NLGN4X: variants seen among roughly 807,000 people sequenced by gnomAD.
The protein encoded by NLGN4X is neuroligin 4 X-linked.
A neutral mutation model predicts 40.3 loss-of-function variants in NLGN4X; 3 were observed. That is an observed-to-expected ratio of 0.07 (90% confidence interval 0.03 to 0.19). The LOEUF (loss-of-function observed/expected upper bound fraction) is 0.19. Among genes scored for constraint, NLGN4X ranks in the 10% least tolerant of loss-of-function variants. The pLI, the probability that NLGN4X is intolerant of heterozygous loss-of-function variation, is 1.00. For missense variants in NLGN4X, 382 were observed against 708.3 expected, an observed-to-expected ratio of 0.54 and a Z score of 5.23; for synonymous variants, 270 against 306.8, an observed-to-expected ratio of 0.88 and a Z score of 1.25.
intron 2 of NLGN4X, among the ~76,000 whole-genome samples, chrX:6,127,987 G>GA (rs764542472): frequency 5.2e-4 from 36 of 69,576 alleles, no homozygotes; most frequent in Non-Finnish European, 9.0e-4. Context: ...TAATTTTTTA[G>GA]AATGGGAGTT....
intron 2 of NLGN4X, among the ~76,000 whole-genome samples, chrX:6,072,513 T>A (rs367792750): frequency 5.1e-4 from 57 of 111,962 alleles, no homozygotes; most frequent in Non-Finnish European, 8.6e-4. Flanking sequence ...GAAAAAAGCA[T>A]GTTTGCACAA....
In NLGN4X at chrX:5,903,625, G is replaced by A. The variant is rs200351328; in HGVS notation, c.1053C>T (p.Asp351=). 18 of 1,209,509 alleles carry A rather than the reference G, an allele frequency of 1.5e-5. No homozygotes were observed. Among genetic ancestry groups the A allele is most frequent in the Middle Eastern group, 2.3e-4 (1 of 4,353 alleles). Residue 351 remains aspartate (D), a synonymous_variant, in exon 5 of 6, where the codon GAC becomes GAT. Transcript: ENST00000381095. ...CTTGCTCCATCAGGATCTGGGGGTC[G>A]TCTGGGATGACGTCGCCGTCGATCA... ...GPVIDGDVIP[D]DPQILMEQGE... is the part of the protein sequence containing the mutation.
At chrX:6,092,385 T>C (rs113471399) in intron 2 of NLGN4X, among the ~76,000 whole-genome samples, 29,908 of 111,240 alleles carry the variant, frequency 0.27, 3,017 homozygotes, top group African/African-American at 0.31. Context: ...GACAAGGGGC[T>C]GGGGCCAGAA....
chrX:5,900,982 C>T (rs956873309), intron 5 of NLGN4X, among the ~76,000 whole-genome samples: 6 of 111,852 alleles, frequency 5.4e-5, no homozygotes, highest in Non-Finnish European at 1.1e-4. Flanking sequence ...CATTTCTTCA[C>T]ACAAAAAAGA....
intron 1 of NLGN4X, among the ~76,000 whole-genome samples, chrX:6,227,439 C>G (rs1375442786): frequency 9.2e-6 from 1 of 108,889 alleles, no homozygotes; most frequent in African/African-American, 3.4e-5. Flanking sequence ...GTCCTCGCAG[C>G]TTCCAACTTT....
At chrX:6,021,743 G>GTTTT (rs1288731897) in intron 3 of NLGN4X, among the ~76,000 whole-genome samples, 9 of 102,274 alleles carry the variant, frequency 8.8e-5, no homozygotes, top group African/African-American at 3.0e-4. Flanking sequence ...TTTTTTGTTT[G>GTTTT]TTTTTTTTTT....
chrX:6,045,361 G>A (rs886446460), intron 2 of NLGN4X, among the ~76,000 whole-genome samples: 11 of 112,117 alleles, frequency 9.8e-5, no homozygotes, highest in Admixed American at 8.5e-4. Context: ...CATCCAAAAC[G>A]CAGTTCAAAG....
At chrX:5,998,520 T>C (rs1466144128) in intron 3 of NLGN4X, among the ~76,000 whole-genome samples, 1 of 112,178 alleles carries the variant, frequency 8.9e-6, no homozygotes, top group Non-Finnish European at 1.9e-5. Context: ...CCTAGCACCA[T>C]GTGTATGAAA....
At chrX:6,218,591 T>C (rs993066973) in intron 1 of NLGN4X, among the ~76,000 whole-genome samples, 1 of 111,532 alleles carries the variant, frequency 9.0e-6, no homozygotes. Context: ...ATGGTTAATA[T>C]AGGAAAGATA....
At chrX:6,216,961 T>A (rs932587317) in intron 1 of NLGN4X, among the ~76,000 whole-genome samples, 12 of 111,647 alleles carry the variant, frequency 1.1e-4, no homozygotes, top group Non-Finnish European at 2.3e-4. Context: ...GACTTATTTT[T>A]AAATTTTTTT....
intron 1 of NLGN4X, among the ~76,000 whole-genome samples, chrX:6,193,229 G>GT (rs1922713566): frequency 9.0e-6 from 1 of 110,655 alleles, no homozygotes. Flanking sequence ...AGACCACGGT[G>GT]AAACCCCGTC....
chrX:6,001,665 G>T (rs1366187502), intron 3 of NLGN4X, among the ~76,000 whole-genome samples: 1 of 102,940 alleles, frequency 9.7e-6, no homozygotes, highest in Admixed American at 1.0e-4. Context: ...CTGAGAGCCT[G>T]GGAGCTTATT....
At chrX:5,947,975 C>T (rs186214768) in intron 3 of NLGN4X, among the ~76,000 whole-genome samples, 295 of 111,226 alleles carry the variant, frequency 2.7e-3, no homozygotes, top group South Asian at 0.015. Flanking sequence ...TAAATATATA[C>T]GGAACCTAAA....
At chrX:6,064,290 ACAGCGGG>A (rs1190730845) in intron 2 of NLGN4X, among the ~76,000 whole-genome samples, 1 of 111,547 alleles carries the variant, frequency 9.0e-6, no homozygotes, top group African/African-American at 3.3e-5. Flanking sequence ...ATGAAGCCAC[ACAGCGGG>A]GAAGGCTGTG....
chrX:5,970,873 C>T (rs929683947), intron 3 of NLGN4X, among the ~76,000 whole-genome samples: 15 of 111,316 alleles, frequency 1.3e-4, no homozygotes, highest in Non-Finnish European at 2.3e-4. Flanking sequence ...CATTAAAGGC[C>T]TGGACTTTTA....
At chrX:5,948,720 C>T (rs998214790) in intron 3 of NLGN4X, among the ~76,000 whole-genome samples, 3 of 112,184 alleles carry the variant, frequency 2.7e-5, no homozygotes, top group Admixed American at 1.9e-4. Context: ...AGTTTCAGTG[C>T]CTGCTCTGGT....
chrX:6,219,031 T>A (rs1416004750), intron 1 of NLGN4X, among the ~76,000 whole-genome samples: 1 of 37,765 alleles, frequency 2.6e-5, no homozygotes, highest in African/African-American at 1.2e-4. Context: ...AAAATCCATA[T>A]ACATCTATAA....
intron 2 of NLGN4X, among the ~76,000 whole-genome samples, chrX:6,131,826 T>C (rs926237802): frequency 7.1e-5 from 8 of 111,965 alleles, no homozygotes; most frequent in African/African-American, 2.6e-4. Context: ...CTCCACATTC[T>C]TCAGTGTTCC....
chrX:5,999,549 T>A (rs1306619227), intron 3 of NLGN4X, among the ~76,000 whole-genome samples: 2 of 112,515 alleles, frequency 1.8e-5, no homozygotes, highest in African/African-American at 6.5e-5. Flanking sequence ...TATTTGTGCA[T>A]GCTTCTGGCT....
Sources: allele counts gnomAD v4.1 joint callset (sites outside exome capture counted in the v4.1 genomes callset), GRCh38; gene constraint gnomAD v4.1.1; transcripts MANE v1.5; gene names NCBI Gene and HGNC (gene_info 2026-07-23, HGNC 2026-07-21).